The following STON2 variants were observed in gnomAD, a reference collection of about 807,000 sequenced individuals.
The protein encoded by STON2 is stonin-2.
Under a neutral mutation model 65.7 loss-of-function variants are expected in STON2, and 29 were observed. That is an observed-to-expected ratio of 0.44 (90% CI 0.33 to 0.60). The LOEUF is 0.60. Ranked by LOEUF, STON2 falls within the 20% of genes least tolerant of loss-of-function variation. STON2 has a pLI of 0.03. For synonymous variants in STON2, 404 were observed against 414.2 expected, an observed-to-expected ratio of 0.98 and a Z score of 0.30; for missense variants, 1,054 against 1,118.1, an observed-to-expected ratio of 0.94 and a Z score of 0.82.
chr14:81,342,173 T>C (rs1349198701), intron 4 of STON2, among the ~76,000 whole-genome samples: 1 of 151,958 alleles, frequency 6.6e-6, no homozygotes, highest in African/African-American at 2.4e-5. Flanking sequence ...GGAGTTTCAC[T>C]CTTGTTGCCC....
In STON2 at chr14:81,417,508, T is replaced by C. The variant is rs569081737; in HGVS notation, c.-199+9594A>G. ...CAATTAAGCTTGGGTGATAGGAGAA[T>C]AGTAGTGCCATAGTATCTGAGGTAA... On this transcript the variant is annotated intron_variant, in intron 2 of 8. Coordinates refer to the STON2 transcript ENST00000553821. 1.0e-3 allele frequency among the ~76,000 whole-genome samples: 153 copies of C among 152,276 alleles called. 1 individual carries two copies. The highest frequency in any genetic ancestry group is 3.5e-3 in the African/African-American group (146 of 41,544).
intron 5 of STON2, among the ~76,000 whole-genome samples, chr14:81,318,101 G>C (rs1255322670): frequency 1.3e-5 from 2 of 152,036 alleles, no homozygotes; most frequent in Non-Finnish European, 2.9e-5. Flanking sequence ...GAGTAGCTAG[G>C]ATTACAGGCG....
intron 4 of STON2, among the ~76,000 whole-genome samples, chr14:81,344,617 G>C (rs1204646509): frequency 6.6e-6 from 1 of 151,680 alleles, no homozygotes; most frequent in East Asian, 1.9e-4. Flanking sequence ...ACAGCCACAT[G>C]TCTAATTACT....
chr14:81,268,184 C>T lies in STON2; in HGVS notation c.*230G>A, dbSNP rs1375482712. On this transcript the variant is annotated 3_prime_UTR_variant, in exon 8 of 8. Coordinates refer to ENST00000614646, the MANE Select transcript of STON2 (RefSeq NM_001394390.1). The stretch of plus-strand genomic sequence containing the variant: ...CTCCAACAGTCAGGTGAACCTCGTG[C>T]TTTAGGCATGACCAGAATCAAAGAG... 8.8e-7 allele frequency: 1 copy of T among 1,133,858 alleles called. No homozygotes were observed. Among genetic ancestry groups the T allele is most frequent in the Non-Finnish European group, 1.1e-6 (1 of 915,504 alleles). The allele number at this position is 1,133,858 out of a possible 1,614,324, so 70.2% of individuals were successfully genotyped here.
chr14:81,348,232 T>G (rs1897893696), intron 4 of STON2, among the ~76,000 whole-genome samples: 1 of 152,118 alleles, frequency 6.6e-6, no homozygotes, highest in African/African-American at 2.4e-5. Flanking sequence ...TCACCACTCC[T>G]ATTCATCATA....
Position 81,265,952 on chromosome 14 carries a change from T to A in STON2, c.*2462A>T. 1 of 985,306 alleles carries A rather than the reference T, an allele frequency of 1.0e-6. No homozygotes were observed. The highest frequency in any genetic ancestry group is 1.2e-6 in the Non-Finnish European group (1 of 829,904). 61.0% of individuals were successfully genotyped at this position (985,306 alleles called of 1,614,324 possible). On this transcript the variant is annotated 3_prime_UTR_variant, in exon 8 of 8. Coordinates refer to ENST00000614646, the MANE Select transcript of STON2 (RefSeq NM_001394390.1). ...TTTCCCTTGCCAACTCTCCAATCCA[T>A]TTAGATGTTCTATGAGGAATTAATC...
chr14:81,265,077 CA>C lies in STON2; in HGVS notation c.*3336del, dbSNP rs201781093. The C allele has an allele frequency of 0.033, 20,604 of 630,230 alleles. 9 individuals carry two copies. The highest frequency in any genetic ancestry group is 0.035 in the Middle Eastern group (43 of 1,234). The allele number at this position is 630,230 out of a possible 1,614,324, so 39.0% of individuals were successfully genotyped here. A position where few individuals can be genotyped will look rare whatever the true frequency, so the allele number is the denominator to read the frequency against. ...TGATAACAAAGATTATTTGTGACCA[CA>C]AAAAAAAAAAATAAAAAGTCCAGGT... is the stretch of plus-strand genomic sequence containing the variant. On this transcript the variant is annotated 3_prime_UTR_variant, in exon 8 of 8. Transcript: ENST00000614646.
At chr14:81,276,660 G>A (rs918167256) in intron 6 of STON2, among the ~76,000 whole-genome samples, 1 of 152,340 alleles carries the variant, frequency 6.6e-6, no homozygotes, top group African/African-American at 2.4e-5. Flanking sequence ...CAGCTGAGAA[G>A]AATAATCCCT....
chr14:81,407,477 A>C (rs1218992214), intron 2 of STON2, among the ~76,000 whole-genome samples: 1 of 152,196 alleles, frequency 6.6e-6, no homozygotes, highest in African/African-American at 2.4e-5. Flanking sequence ...GTGATCCAAA[A>C]GAGGTTGTTA....
At chr14:81,354,892 C>T (rs1338763465) in intron 4 of STON2, among the ~76,000 whole-genome samples, 3 of 151,988 alleles carry the variant, frequency 2.0e-5, no homozygotes, top group Admixed American at 2.0e-4. Flanking sequence ...TGGCACGTTC[C>T]TGTAATCCCA....
intron 2 of STON2, among the ~76,000 whole-genome samples, chr14:81,424,417 C>T (rs1212060877): frequency 6.6e-6 from 1 of 151,678 alleles, no homozygotes; most frequent in East Asian, 1.9e-4. Context: ...GTACTCCAGC[C>T]TGGATGACAA....
Position 81,264,466 on chromosome 14 carries a change from C to A in STON2, c.*3948G>T, listed in dbSNP as rs1360234732. The A allele has an allele frequency of 1.0e-6, 1 of 985,272 alleles. No homozygotes were observed. The highest frequency in any genetic ancestry group is 1.2e-6 in the Non-Finnish European group (1 of 829,942). The allele number at this position is 985,272 out of a possible 1,614,324, so 61.0% of individuals were successfully genotyped here. ...CCTTTATTTCATGAGTATACGTTTG[C>A]CCTCCTGGCAAGCATTTAAGGTGGC... is the stretch of plus-strand genomic sequence containing the variant. On this transcript the variant is annotated 3_prime_UTR_variant, in exon 8 of 8. Coordinates refer to ENST00000614646, the MANE Select transcript of STON2 (RefSeq NM_001394390.1).
In STON2 at chr14:81,268,955, T is replaced by C. The variant is rs1322691005; in HGVS notation, c.2785-458A>G. ...GGGCAATCGACAAAGATTTATCAAATGAATGAATTTCTTTGTAATTGACTG... is the reference window on the plus strand; with the variant it reads ...GGGCAATCGACAAAGATTTATCAAACGAATGAATTTCTTTGTAATTGACTG... On this transcript the variant is annotated intron_variant, in intron 7 of 7. Coordinates refer to ENST00000614646, the MANE Select transcript of STON2 (RefSeq NM_001394390.1). 3.3e-5 allele frequency among the ~76,000 whole-genome samples: 5 copies of C among 152,210 alleles called. 1 individual carries two copies. The highest frequency in any genetic ancestry group is 1.2e-4 in the African/African-American group (5 of 41,446).
rs1225239644 is a variant in STON2, at chr14:81,270,774, T to C, written c.2680A>G (p.Met894Val). 2 of 1,614,038 alleles carry C rather than the reference T, an allele frequency of 1.2e-6. No homozygotes were observed. The highest frequency in any genetic ancestry group is 2.7e-5 in the African/African-American group (2 of 74,890). ...GCTTTGGAGGCAGAAGTTGTGGGCA[T>C]GCTGAACTCGACATTCACGTGATTG... ...FANHVNVEFS[M>V]PTTSASKASV... Residue 894 changes from methionine to valine, a missense_variant, in exon 7 of 8, where the codon ATG becomes GTG. Transcript: ENST00000614646.
chr14:81,278,621 G>T lies in STON2; in HGVS notation c.861C>A (p.Pro287=), dbSNP rs745969516. The T allele has an allele frequency of 1.0e-5, 16 of 1,587,672 alleles. No individual in the cohort carries two copies. The highest frequency in any genetic ancestry group is 1.4e-5 in the Non-Finnish European group (16 of 1,165,306). The change falls in exon 6 of 8, where the codon CCC becomes CCA. Residue 287 remains proline, a synonymous_variant. Transcript: ENST00000614646. ...PAPPVTSARF[P]SWVTFDDNEV... ...CATTGTCATCAAAGGTGACCCAGCT[G>T]GGAAAACGAGCAGAGGTCACTGGAG... is the stretch of plus-strand genomic sequence containing the variant.
chr14:81,359,549 A>G (rs1204271552), intron 4 of STON2, among the ~76,000 whole-genome samples: 1 of 152,202 alleles, frequency 6.6e-6, no homozygotes, highest in Non-Finnish European at 1.5e-5. Flanking sequence ...AAATACCTGA[A>G]GTAGAGACTA....
intron 5 of STON2, among the ~76,000 whole-genome samples, chr14:81,305,983 C>A (rs1896156952): frequency 6.6e-6 from 1 of 151,940 alleles, no homozygotes; most frequent in Non-Finnish European, 1.5e-5. Context: ...TAACTCCTTG[C>A]CAGCGACCCA....
intron 5 of STON2, among the ~76,000 whole-genome samples, chr14:81,290,958 A>G (rs1895531513): frequency 6.6e-6 from 1 of 152,228 alleles, no homozygotes; most frequent in Non-Finnish European, 1.5e-5. Context: ...CACCTGGCAC[A>G]TAGCTCAATA....
intron 2 of STON2, among the ~76,000 whole-genome samples, chr14:81,396,747 A>G (rs946160667): frequency 1.0e-5 from 1 of 96,924 alleles, no homozygotes; most frequent in South Asian, 4.6e-4. Flanking sequence ...ACAGCCTTCA[A>G]AAATTTTTTT....
Sources: allele counts gnomAD v4.1 joint callset (sites outside exome capture counted in the v4.1 genomes callset), GRCh38; gene constraint gnomAD v4.1.1; transcripts MANE v1.5; gene names NCBI Gene and HGNC (gene_info 2026-07-23, HGNC 2026-07-21).